NSD2: variants seen among roughly 807,000 people sequenced by gnomAD.
NSD2 encodes the protein histone-lysine N-methyltransferase NSD2.
A neutral mutation model predicts 139.0 loss-of-function variants in NSD2; 12 were observed. The ratio of observed to expected loss-of-function variants is 0.09; its 90% CI spans 0.06 to 0.14. The LOEUF (loss-of-function observed/expected upper bound fraction) is 0.14, where lower values mean the gene tolerates loss of function less well. Among genes scored for constraint, NSD2 ranks in the 10% least tolerant of loss-of-function variants. The probability of loss-of-function intolerance (pLI) is 1.00; values close to 1 mark genes in which losing one functional copy is unlikely to be tolerated. For synonymous variants in NSD2, 669 were observed against 648.7 expected (o/e 1.03, Z -0.48); for missense variants, 1,155 against 1,745.0 (o/e 0.66, Z 6.02).
At chr4:1,897,174 G>GA (rs34685080) in intron 1 of NSD2, among the ~76,000 whole-genome samples, 29 of 146,274 alleles carry the variant, frequency 2.0e-4, no homozygotes, top group African/African-American at 5.8e-4. Context: ...TGTCTCAAAG[G>GA]AAAAAAAAAA....
chr4:1,955,755 G>A lies in NSD2; in HGVS notation c.2581G>A (p.Glu861Lys), dbSNP rs1422388271. ...CTTCCACCCTGACTGCCTGAACATCGAGATGCCTGACGGCAGCTGGTTCTG... is the reference window on the plus strand; with the variant it reads ...CTTCCACCCTGACTGCCTGAACATCAAGATGCCTGACGGCAGCTGGTTCTG... ...AAFHPDCLNIEMPDGSWFCND... is the reference protein window; with the variant it reads ...AAFHPDCLNIKMPDGSWFCND... Residue 861 changes from glutamate to lysine, a missense_variant, in exon 14 of 22, where the codon GAG (glutamate) becomes AAG (lysine). Transcript: ENST00000508803. The surrounding 1 kb of genome is among the most constrained non-coding windows in gnomAD (Gnocchi z 4.7). 2 of 1,614,004 alleles carry A rather than the reference G, an allele frequency of 1.2e-6. No homozygotes were observed. The highest frequency in any genetic ancestry group is 1.7e-6 in the Non-Finnish European group (2 of 1,180,014).
intron 3 of NSD2, among the ~76,000 whole-genome samples, chr4:1,912,977 T>G (rs1259157922): frequency 1.3e-5 from 2 of 152,164 alleles, no homozygotes; most frequent in East Asian, 3.8e-4. Context: ...AGAAAATACT[T>G]AAAATAAGAA....
intron 6 of NSD2, among the ~76,000 whole-genome samples, chr4:1,933,977 C>G (rs1721995428): frequency 6.6e-6 from 1 of 151,468 alleles, no homozygotes; most frequent in South Asian, 2.1e-4. Flanking sequence ...TGTGTTACTA[C>G]TTAACATGTT....
chr4:1,906,095 A>G (rs546477469), intron 3 of NSD2, among the ~76,000 whole-genome samples: 31 of 152,292 alleles, frequency 2.0e-4, no homozygotes, highest in African/African-American at 7.2e-4. Context: ...GTGGCACACA[A>G]GCAGCTCTTA....
chr4:1,926,562 C>G (rs1401714417), intron 5 of NSD2, among the ~76,000 whole-genome samples: 1 of 152,038 alleles, frequency 6.6e-6, no homozygotes, highest in Non-Finnish European at 1.5e-5. Flanking sequence ...CCTCCGCCTT[C>G]CGGGTTCAAG....
intron 8 of NSD2, among the ~76,000 whole-genome samples, 185 bp downstream of exon 8, chr4:1,938,717 C>T (rs1235704339): frequency 1.3e-5 from 2 of 152,104 alleles, no homozygotes; most frequent in East Asian, 3.9e-4. Context: ...GAAAACTAAA[C>T]TGTTTTAATG....
intron 1 of NSD2, among the ~76,000 whole-genome samples, chr4:1,881,286 A>G (rs1427732706): frequency 1.3e-5 from 2 of 151,964 alleles, no homozygotes; most frequent in African/African-American, 4.8e-5. Flanking sequence ...TTTGAGACGG[A>G]GTCTTGCTTT....
chr4:1,902,631 G>A lies in NSD2; in HGVS notation c.597+1380G>A, dbSNP rs561851044. Among the ~76,000 whole-genome samples the A allele has an allele frequency of 2.0e-5, 3 of 152,216 alleles. No individual in the cohort carries two copies. The South Asian group carries it at 6.2e-4, about 32-fold the overall frequency. ...CCTAGCTGTTTTGTTTTGAGACAGG[G>A]TCTTGGTATGTTGCACAGGCTGTTC... On this transcript the variant is annotated intron_variant, in intron 2 of 21. Transcript: ENST00000508803.
At chr4:1,934,907 A>ATATATATG (rs1722199885) in intron 6 of NSD2, among the ~76,000 whole-genome samples, 1 of 132,916 alleles carries the variant, frequency 7.5e-6, no homozygotes, top group African/African-American at 2.9e-5. Context: ...ATATATATAT[A>ATATATATG]TAAAAAACAG....
chr4:1,926,629 C>T (rs934903457), intron 5 of NSD2, among the ~76,000 whole-genome samples: 22 of 152,042 alleles, frequency 1.4e-4, no homozygotes, highest in Admixed American at 9.8e-4. Context: ...CGCCACCACA[C>T]CCAGCTAATT....
At chr4:1,959,244 A>C (rs1172382638) in intron 16 of NSD2, among the ~76,000 whole-genome samples, 1 of 152,146 alleles carries the variant, frequency 6.6e-6, no homozygotes, top group South Asian at 2.1e-4. Flanking sequence ...AGATAAAATA[A>C]TGTGAGGGGG....
At chr4:1,951,746 T>C (rs2108944217) in intron 10 of NSD2, among the ~76,000 whole-genome samples, 1 of 152,244 alleles carries the variant, frequency 6.6e-6, no homozygotes, top group Admixed American at 6.5e-5. Flanking sequence ...GCATGGGAAG[T>C]GTGAATACTG....
Position 1,900,651 on chromosome 4 carries a change from C to A in NSD2, c.-4C>A. On this transcript the variant is annotated 5_prime_UTR_variant, in exon 2 of 22. It adds an upstream start codon to the 5' untranslated region. Transcript: ENST00000508803. ...TGTTCTAAGAACGGAAGCATCTGGGCTGGATGGAATTTAGCATCAAGCAGA... is the reference window on the plus strand; with the variant it reads ...TGTTCTAAGAACGGAAGCATCTGGGATGGATGGAATTTAGCATCAAGCAGA... The A allele has an allele frequency of 6.4e-7, 1 of 1,563,946 alleles. No individual in the cohort carries two copies.
At chr4:1,880,663 A>G (rs919320012) in intron 1 of NSD2, among the ~76,000 whole-genome samples, 3 of 152,142 alleles carry the variant, frequency 2.0e-5, no homozygotes, top group Non-Finnish European at 4.4e-5. Flanking sequence ...ATGTTTAACA[A>G]CCAATCTACA....
intron 1 of NSD2, among the ~76,000 whole-genome samples, chr4:1,895,951 C>G (rs1716234124): frequency 6.6e-6 from 1 of 152,226 alleles, no homozygotes; most frequent in African/African-American, 2.4e-5. Context: ...TGACCACAGA[C>G]ACTCACCTGG....
Position 1,942,884 on chromosome 4 carries a change from A to C in NSD2, c.1881+3106A>C. 5 of 1,060,442 alleles carry C rather than the reference A, an allele frequency of 4.7e-6. No homozygotes were observed. Among genetic ancestry groups the C allele is most frequent in the Non-Finnish European group, 5.7e-6 (5 of 876,362 alleles). The allele number at this position is 1,060,442 out of a possible 1,614,324, so 65.7% of individuals were successfully genotyped here. A position where few individuals can be genotyped will look rare whatever the true frequency, so the allele number is the denominator to read the frequency against. ...ATATATTCAGTATTGTAGATACTACACTAATTTCCAACATAAGAGGCAGGA... is the reference window on the plus strand; with the variant it reads ...ATATATTCAGTATTGTAGATACTACCCTAATTTCCAACATAAGAGGCAGGA... On this transcript the variant is annotated intron_variant, in intron 9 of 21. Transcript: ENST00000508803. The surrounding 1 kb of genome is among the most constrained non-coding windows in gnomAD (Gnocchi z 4.0).
chr4:1,978,912 C>G lies in NSD2; in HGVS notation c.*3C>G, dbSNP rs1028622068. ...GGAGAGTCACAGAGGGCAAATAGCG[C>G]CAGGCGGCCGCTTGGCCGGATCCAG... On this transcript the variant is annotated 3_prime_UTR_variant, in exon 22 of 22. Coordinates refer to ENST00000508803, the MANE Select transcript of NSD2 (RefSeq NM_001042424.3). 4.0e-6 allele frequency: 6 copies of G among 1,506,542 alleles called. No individual in the cohort carries two copies. In the African/African-American group the frequency reaches 7.0e-5, roughly 18 times the overall value. 93.3% of individuals were successfully genotyped at this position (1,506,542 alleles called of 1,614,324 possible).
At position 1,957,530 on chromosome 4, in the gene NSD2, C is replaced by T. The variant is rs534492189; in HGVS notation, c.2882-403C>T. 1.3e-4 allele frequency among the ~76,000 whole-genome samples: 20 copies of T among 151,630 alleles called. No homozygotes were observed. The East Asian group carries it at 2.5e-3, about 19-fold the overall frequency. Reference sequence around the variant, plus strand: ...CTTGAACTCCTGACCTCAGGTGATCCGCCTGCCTCGGCCTCCCAAAGTGCT... The same window carrying T: ...CTTGAACTCCTGACCTCAGGTGATCTGCCTGCCTCGGCCTCCCAAAGTGCT... On this transcript the variant is annotated intron_variant, in intron 15 of 21. Coordinates refer to ENST00000508803, the MANE Select transcript of NSD2 (RefSeq NM_001042424.3).
chr4:1,905,455 G>A (rs939023185), intron 3 of NSD2, among the ~76,000 whole-genome samples: 13 of 152,230 alleles, frequency 8.5e-5, no homozygotes, highest in African/African-American at 2.4e-4. Flanking sequence ...TGGTCCTTGC[G>A]TACATGTCCC....
Sources: allele counts gnomAD v4.1 joint callset (sites outside exome capture counted in the v4.1 genomes callset), GRCh38; gene constraint gnomAD v4.1.1; non-coding constraint Gnocchi (gnomAD v3.1); transcripts MANE v1.5; gene names NCBI Gene and HGNC (gene_info 2026-07-23, HGNC 2026-07-21).